Variants in CALN1 observed in about 807,000 individuals in gnomAD.
CALN1 encodes the protein calcium-binding protein 8.
CALN1 carries 17 observed loss-of-function variants against 30.6 expected under a neutral mutation model. The observed-to-expected ratio is 0.56, with a 90% CI of 0.38 to 0.83. CALN1 has a LOEUF of 0.83. Ranked by LOEUF, CALN1 falls within the 40% of genes least tolerant of loss-of-function variation. CALN1 has a pLI of 0.00. For synonymous variants in CALN1, 156 were observed against 131.4 expected (o/e 1.19, Z -1.28); for missense variants, 291 against 354.9 (o/e 0.82, Z 1.45).
the CALN1 span, among the ~76,000 whole-genome samples, chr7:72,458,088 G>A: frequency 1.4e-5 from 2 of 140,292 alleles, no homozygotes; most frequent in African/African-American, 2.6e-5. Flanking sequence ...GGTACAGAGT[G>A]GCCTCACAAC....
At chr7:72,046,778 T>C (rs1330155698) in intron 4 of CALN1, among the ~76,000 whole-genome samples, 2 of 135,794 alleles carry the variant, frequency 1.5e-5, no homozygotes, top group East Asian at 2.5e-4. Context: ...CTCACACCTA[T>C]AATCCCAGCA....
intron 3 of CALN1, among the ~76,000 whole-genome samples, chr7:72,230,370 G>A (rs1328935097): frequency 2.1e-5 from 3 of 145,212 alleles, no homozygotes; most frequent in Non-Finnish European, 4.5e-5. Flanking sequence ...AGCTGGGTGT[G>A]GTAGCATACA....
At chr7:72,287,509 C>T (rs1175948703) in intron 2 of CALN1, among the ~76,000 whole-genome samples, 2 of 129,066 alleles carry the variant, frequency 1.5e-5, no homozygotes, top group African/African-American at 2.9e-5. Flanking sequence ...TGCAGTGGCG[C>T]AATCTTGGCT....
chr7:72,046,940 TA>T (rs893645841), intron 4 of CALN1, among the ~76,000 whole-genome samples: 2 of 151,866 alleles, frequency 1.3e-5, no homozygotes, highest in Non-Finnish European at 2.9e-5. Context: ...GGCACGTGCC[TA>T]TAGTCACAGG....
chr7:72,149,672 G>C (rs1441704321), intron 3 of CALN1, among the ~76,000 whole-genome samples: 1 of 151,990 alleles, frequency 6.6e-6, no homozygotes, highest in Non-Finnish European at 1.5e-5. Context: ...TATTTTCAGG[G>C]AGGCAGATTT....
At chr7:72,134,788 T>C (rs1177849735) in intron 3 of CALN1, among the ~76,000 whole-genome samples, 2 of 152,218 alleles carry the variant, frequency 1.3e-5, no homozygotes, top group Non-Finnish European at 2.9e-5. Flanking sequence ...GGACTCTTCA[T>C]TTCATAAAAA....
intron 4 of CALN1, among the ~76,000 whole-genome samples, chr7:72,043,493 G>A (rs550671195): frequency 1.3e-3 from 193 of 152,296 alleles, no homozygotes; most frequent in African/African-American, 4.4e-3. Flanking sequence ...ATCAAGCCAG[G>A]CATGGTGGCT....
intron 6 of CALN1, among the ~76,000 whole-genome samples, chr7:71,789,740 G>A (rs912088344): frequency 1.3e-5 from 2 of 152,098 alleles, no homozygotes; most frequent in African/African-American, 2.4e-5. Context: ...ACGCCCATGA[G>A]AAACCATGTA....
intron 4 of CALN1, among the ~76,000 whole-genome samples, chr7:72,073,344 A>G (rs1273666462): frequency 1.3e-5 from 2 of 152,204 alleles, no homozygotes; most frequent in African/African-American, 2.4e-5. Context: ...ATTAAACAAT[A>G]TTTACTTGCT....
chr7:72,479,880 T>G, the CALN1 span, among the ~76,000 whole-genome samples: 1 of 152,202 alleles, frequency 6.6e-6, no homozygotes, highest in Non-Finnish European at 1.5e-5. Context: ...TAGACTAGCC[T>G]CTCTCCACTC....
At chr7:72,326,173 G>C (rs573011588) in intron 2 of CALN1, among the ~76,000 whole-genome samples, 1 of 152,326 alleles carries the variant, frequency 6.6e-6, no homozygotes, top group African/African-American at 2.4e-5. Context: ...AAAGTGCTGG[G>C]ATTACAGGCG....
chr7:72,060,731 G>A (rs886717882), intron 4 of CALN1, among the ~76,000 whole-genome samples: 13 of 152,152 alleles, frequency 8.5e-5, no homozygotes, highest in East Asian at 1.9e-4. Context: ...GTGAGTTCAC[G>A]CAAGATCTGG....
chr7:72,041,911 C>T lies in CALN1; in HGVS notation c.389-18142G>A, dbSNP rs543050439. Among the ~76,000 whole-genome samples the T allele has an allele frequency of 4.8e-4, 73 of 152,254 alleles. No individual in the cohort carries two copies. The South Asian group carries it at 0.012, about 25-fold the overall frequency. ...GGCTTTGCTCCTCCTTGCCTTCTGC[C>T]GTGATTGTGAGGCCTCCCCAGCCAT... On this transcript the variant is annotated intron_variant, in intron 4 of 6. Coordinates refer to ENST00000395275, the MANE Select transcript of CALN1 (RefSeq NM_031468.4).
At chr7:72,054,174 T>C (rs1459347053) in intron 4 of CALN1, among the ~76,000 whole-genome samples, 1 of 152,036 alleles carries the variant, frequency 6.6e-6, no homozygotes, top group Admixed American at 6.6e-5. Context: ...GTGGGATTGC[T>C]GGATTGAATG....
chr7:72,064,281 CA>C (rs11315302), intron 4 of CALN1, among the ~76,000 whole-genome samples: 68,140 of 133,720 alleles, frequency 0.51, 15,766 homozygotes, highest in East Asian at 0.67. Flanking sequence ...GACTCCATCT[CA>C]AAAAAAAAAA....
At position 71,978,842 on chromosome 7, in the gene CALN1, G is replaced by A. The variant is rs184914060; in HGVS notation, c.501+44815C>T. On this transcript the variant is annotated intron_variant, in intron 5 of 6. Coordinates refer to ENST00000395275, the MANE Select transcript of CALN1 (RefSeq NM_031468.4). ...GTACATTTATGCACATAATGAAACTGCGGAAAAGACTTATTGAGCAACTAT... is the reference window on the plus strand; with the variant it reads ...GTACATTTATGCACATAATGAAACTACGGAAAAGACTTATTGAGCAACTAT... 1.6e-4 allele frequency among the ~76,000 whole-genome samples: 24 copies of A among 152,290 alleles called. No individual in the cohort carries two copies. The East Asian group carries it at 4.2e-3, about 27-fold the overall frequency.
rs574148963 is a variant in CALN1, at chr7:72,410,211, T to A, written c.-74+1847A>T. On this transcript the variant is annotated intron_variant, in intron 1 of 6. Coordinates refer to ENST00000395275, the MANE Select transcript of CALN1 (RefSeq NM_031468.4). The stretch of plus-strand genomic sequence containing the variant: ...AACATGAGAGCCTGGAGCTCTTAAA[T>A]ATGTAAGAGAGGTTGTCAAATCTAC... Among the ~76,000 whole-genome samples, 109 of 152,264 alleles carry A rather than the reference T, an allele frequency of 7.2e-4. 1 individual carries two copies. The South Asian group carries it at 0.018, about 25-fold the overall frequency.
intron 5 of CALN1, among the ~76,000 whole-genome samples, chr7:71,926,807 ATC>A (rs1425718433): frequency 2.6e-5 from 4 of 151,710 alleles, no homozygotes; most frequent in African/African-American, 9.7e-5. Flanking sequence ...GTCATTTTTC[ATC>A]TCTGTTATTG....
In CALN1 at chr7:72,119,904, A is replaced by G. The variant is rs556914994; in HGVS notation, c.245-13610T>C. 4.6e-5 allele frequency among the ~76,000 whole-genome samples: 7 copies of G among 152,294 alleles called. No homozygotes were observed. The East Asian group carries it at 1.4e-3, about 29-fold the overall frequency. ...TGAGATTTGGGTGAGGACACAGCCA[A>G]ATCATATGAGATATGCTACATTTTC... On this transcript the variant is annotated intron_variant, in intron 3 of 6. Coordinates refer to ENST00000395275, the MANE Select transcript of CALN1 (RefSeq NM_031468.4).
Sources: allele counts gnomAD v4.1 joint callset (sites outside exome capture counted in the v4.1 genomes callset), GRCh38; gene constraint gnomAD v4.1.1; transcripts MANE v1.5; gene names NCBI Gene and HGNC (gene_info 2026-07-23, HGNC 2026-07-21).